Variants in BNC2 observed in about 807,000 individuals in gnomAD.
BNC2 encodes the protein basonuclin zinc finger protein 2.
In BNC2, 20 loss-of-function variants were observed where a neutral mutation model predicts 76.3. The observed-to-expected ratio is 0.26, with a 90% CI of 0.18 to 0.38. The LOEUF (loss-of-function observed/expected upper bound fraction) is 0.38, where lower values mean the gene tolerates loss of function less well. Among genes scored for constraint, BNC2 ranks in the 10% least tolerant of loss-of-function variants. The pLI is 1.00. For synonymous variants in BNC2, 582 were observed against 514.8 expected, an observed-to-expected ratio of 1.13 and a Z score of -1.77; for missense variants, 1,382 against 1,399.8, an observed-to-expected ratio of 0.99 and a Z score of 0.20.
intron 3 of BNC2, among the ~76,000 whole-genome samples, chr9:16,658,809 C>T (rs7043361): frequency 0.75 from 114,098 of 152,058 alleles, 43,505 homozygotes; most frequent in African/African-American, 0.88. Context: ...ATGTTGAAGG[C>T]ACTCTTTCTT....
intron 3 of BNC2, among the ~76,000 whole-genome samples, chr9:16,663,476 A>C (rs1048955783): frequency 7.9e-5 from 12 of 152,088 alleles, no homozygotes; most frequent in African/African-American, 2.9e-4. Flanking sequence ...TAATTTACCA[A>C]GAAGGTTATG....
At chr9:16,624,393 C>T (rs537219291) in intron 3 of BNC2, among the ~76,000 whole-genome samples, 1 of 147,582 alleles carries the variant, frequency 6.8e-6, no homozygotes, top group Non-Finnish European at 1.5e-5. Context: ...GAAATATCTG[C>T]AATTTTAAAG....
chr9:16,525,391 G>A (rs1451018325), intron 5 of BNC2, among the ~76,000 whole-genome samples: 1 of 151,934 alleles, frequency 6.6e-6, no homozygotes, highest in Non-Finnish European at 1.5e-5. Context: ...GATACAAAAA[G>A]GTGCTAAAAA....
intron 3 of BNC2, among the ~76,000 whole-genome samples, chr9:16,724,336 A>T (rs965002018): frequency 4.0e-5 from 6 of 148,990 alleles, no homozygotes; most frequent in Non-Finnish European, 6.0e-5. Context: ...AAGTGTGATT[A>T]AAAAAAAAAC....
chr9:16,658,780 C>T (rs577185603), intron 3 of BNC2, among the ~76,000 whole-genome samples: 1 of 152,304 alleles, frequency 6.6e-6, no homozygotes, highest in Admixed American at 6.5e-5. Flanking sequence ...ACCAAATAAC[C>T]AGTGCTCTCT....
chr9:16,503,908 T>C (rs1201366306), intron 5 of BNC2, among the ~76,000 whole-genome samples: 1 of 152,186 alleles, frequency 6.6e-6, no homozygotes, highest in African/African-American at 2.4e-5. Context: ...GTGATAGTTA[T>C]TAAGTTCAAG....
intron 3 of BNC2, among the ~76,000 whole-genome samples, chr9:16,672,959 C>T (rs1211114843): frequency 2.0e-5 from 3 of 152,158 alleles, no homozygotes; most frequent in Admixed American, 6.5e-5. Flanking sequence ...GTAAACAACA[C>T]GAAGCAAAAA....
chr9:16,825,605 T>C lies in BNC2; in HGVS notation c.3+45041A>G, dbSNP rs983162043. 1.7e-4 allele frequency among the ~76,000 whole-genome samples: 26 copies of C among 152,086 alleles called. 1 individual carries two copies. Among genetic ancestry groups the C allele is most frequent in the African/African-American group, 4.8e-4 (20 of 41,426 alleles). ...TAAACCTTTGTGGTGTTCTCTTAAC[T>C]TTCTTCCTGGGGAGGAGGAGGAGGG... On this transcript the variant is annotated intron_variant, in intron 1 of 6. Coordinates refer to ENST00000380672, the MANE Select transcript of BNC2 (RefSeq NM_017637.6).
At chr9:16,686,074 T>C (rs539978522) in intron 3 of BNC2, among the ~76,000 whole-genome samples, 107 of 152,348 alleles carry the variant, frequency 7.0e-4, no homozygotes, top group African/African-American at 2.5e-3. Flanking sequence ...CAACAATGCC[T>C]AAGTTCCTTT....
At chr9:16,512,090 T>A (rs1254980634) in intron 5 of BNC2, among the ~76,000 whole-genome samples, 3 of 152,242 alleles carry the variant, frequency 2.0e-5, no homozygotes, top group Admixed American at 2.0e-4. Context: ...TGTATACACA[T>A]GTGAATACAC....
intron 2 of BNC2, among the ~76,000 whole-genome samples, chr9:16,732,038 A>T (rs1232077607): frequency 6.6e-6 from 1 of 152,046 alleles, no homozygotes; most frequent in African/African-American, 2.4e-5. Context: ...CAGAGTAAAA[A>T]AGTGTGTTCT....
chr9:16,811,974 G>C (rs1437116556), intron 1 of BNC2, among the ~76,000 whole-genome samples: 1 of 152,056 alleles, frequency 6.6e-6, no homozygotes, highest in Non-Finnish European at 1.5e-5. Flanking sequence ...TTAATCAGAA[G>C]TCATCTCTGA....
At chr9:16,607,891 T>C (rs1294443593) in intron 3 of BNC2, among the ~76,000 whole-genome samples, 2 of 152,158 alleles carry the variant, frequency 1.3e-5, no homozygotes, top group South Asian at 2.1e-4. Flanking sequence ...AACATTAATG[T>C]GTGAACACAG....
chr9:16,838,723 A>G (rs1156476497), intron 1 of BNC2, among the ~76,000 whole-genome samples: 1 of 152,174 alleles, frequency 6.6e-6, no homozygotes, highest in Non-Finnish European at 1.5e-5. Flanking sequence ...AGTAGACATG[A>G]TCTTCACCTG....
chr9:16,690,567 T>C (rs769957201), intron 3 of BNC2, among the ~76,000 whole-genome samples: 1 of 152,168 alleles, frequency 6.6e-6, no homozygotes, highest in African/African-American at 2.4e-5. Flanking sequence ...ACAGTACTTA[T>C]CCATTTTCAA....
intron 1 of BNC2, among the ~76,000 whole-genome samples, chr9:16,834,996 G>C (rs1302307393): frequency 6.6e-6 from 1 of 152,040 alleles, no homozygotes; most frequent in Admixed American, 6.5e-5. Context: ...GATATCCACG[G>C]GTACTTAAGA....
chr9:16,603,841 T>C (rs951125764), intron 3 of BNC2, among the ~76,000 whole-genome samples: 7 of 151,394 alleles, frequency 4.6e-5, no homozygotes, highest in African/African-American at 2.4e-5. Context: ...TGTTTAGGTA[T>C]ATTTTCAAAC....
At chr9:16,856,454 T>C (rs1819260803) in intron 1 of BNC2, among the ~76,000 whole-genome samples, 3 of 152,190 alleles carry the variant, frequency 2.0e-5, no homozygotes, top group Admixed American at 2.0e-4. Flanking sequence ...ATTTATTTTT[T>C]TAGAGACAGG....
At chr9:16,643,840 A>C (rs1264070207) in intron 3 of BNC2, among the ~76,000 whole-genome samples, 1 of 152,164 alleles carries the variant, frequency 6.6e-6, no homozygotes, top group East Asian at 1.9e-4. Context: ...ATTTTATATT[A>C]AAGAAATCTT....
Sources: allele counts gnomAD v4.1 joint callset (sites outside exome capture counted in the v4.1 genomes callset), GRCh38; gene constraint gnomAD v4.1.1; transcripts MANE v1.5; gene names NCBI Gene and HGNC (gene_info 2026-07-23, HGNC 2026-07-21).